The following TNKS2 variants were observed in gnomAD, a reference collection of about 807,000 sequenced individuals.
TNKS2 encodes the protein poly [ADP-ribose] polymerase tankyrase-2.
Under a neutral mutation model 137.6 loss-of-function variants are expected in TNKS2, and 72 were observed. The ratio of observed to expected loss-of-function variants is 0.52; its 90% CI spans 0.43 to 0.64. The LOEUF (loss-of-function observed/expected upper bound fraction) is 0.64. TNKS2 is among the 30% of genes least tolerant of loss of function. The probability of loss-of-function intolerance (pLI) is 0.00; values close to 1 mark genes in which losing one functional copy is unlikely to be tolerated. For synonymous variants in TNKS2, 516 were observed against 512.1 expected (o/e 1.01, Z -0.10); for missense variants, 1,049 against 1,410.2 (o/e 0.74, Z 4.10).
chr10:91,860,003 G>T (rs1424836733), intron 25 of TNKS2, among the ~76,000 whole-genome samples: 3 of 152,028 alleles, frequency 2.0e-5, no homozygotes, highest in African/African-American at 7.2e-5. Context: ...TGCTAAAATG[G>T]CATTATTTGT....
intron 1 of TNKS2, among the ~76,000 whole-genome samples, chr10:91,810,068 A>G (rs752208734): frequency 1.3e-5 from 2 of 152,146 alleles, no homozygotes; most frequent in Non-Finnish European, 2.9e-5. Context: ...CACTTATTAT[A>G]ATCTTAAATA....
At chr10:91,855,840 G>A in intron 23 of TNKS2, 152 bp downstream of exon 23, 2 of 539,402 alleles carry the variant, frequency 3.7e-6, no homozygotes, top group Non-Finnish European at 3.3e-6. Flanking sequence ...CCCTTGGAAG[G>A]TTAATATTCT....
chr10:91,849,360 T>C, intron 19 of TNKS2, 152 bp from the exon 20 acceptor site: 1 of 466,434 alleles, frequency 2.1e-6, no homozygotes. Flanking sequence ...GTTGAAATTT[T>C]GTAGCTTTCT....
chr10:91,862,975 G>T lies in TNKS2; in HGVS notation c.3477G>T (p.Arg1159Ser), dbSNP rs758242513. 1.2e-6 allele frequency: 2 copies of T among 1,606,176 alleles called. No homozygotes were observed. The highest frequency in any genetic ancestry group is 1.7e-6 in the Non-Finnish European group (2 of 1,174,736). ...PEYLITYQIMRPEGMVDG is the reference protein window; with the variant it reads ...PEYLITYQIMSPEGMVDG ...ATTTAATTACTTACCAGATTATGAG[G>T]CCTGAAGGTATGGTCGATGGATAAA... The change falls in exon 27 of 27, where the codon AGG becomes AGT. Residue 1159 changes from arginine (R) to serine (S), a missense_variant. Physicochemically the swap from Arg to Ser is moderately radical, Grantham distance 110 (BLOSUM62 -1). Coordinates refer to ENST00000371627, the MANE Select transcript of TNKS2 (RefSeq NM_025235.4).
intron 12 of TNKS2, among the ~76,000 whole-genome samples, chr10:91,834,483 ACATCT>A (rs1841935567): frequency 6.6e-6 from 1 of 152,244 alleles, no homozygotes; most frequent in Admixed American, 6.5e-5. Context: ...CATAGATGAA[ACATCT>A]CAGCCCAGAT....
At chr10:91,840,378 A>T (rs1024295709) in intron 13 of TNKS2, among the ~76,000 whole-genome samples, 183 bp from the exon 14 acceptor site, 7 of 152,152 alleles carry the variant, frequency 4.6e-5, no homozygotes, top group African/African-American at 1.4e-4. Context: ...CATGGATGAG[A>T]GGACCAGAGG....
chr10:91,828,768 A>G (rs775836942), intron 9 of TNKS2, among the ~76,000 whole-genome samples: 8 of 152,204 alleles, frequency 5.3e-5, no homozygotes, highest in Non-Finnish European at 8.8e-5. Context: ...GAAAAATAAA[A>G]TAAATACCAC....
intron 12 of TNKS2, among the ~76,000 whole-genome samples, chr10:91,836,033 A>ATT (rs1564619457): frequency 3.2e-5 from 1 of 31,264 alleles, no homozygotes; most frequent in Non-Finnish European, 6.4e-5. Flanking sequence ...GTGTGTGTGT[A>ATT]ATTTTTTTTT....
At chr10:91,800,779 A>T (rs1038436474) in intron 1 of TNKS2, among the ~76,000 whole-genome samples, 1 of 152,252 alleles carries the variant, frequency 6.6e-6, no homozygotes, top group African/African-American at 2.4e-5. Context: ...AAACTTTTTT[A>T]AAAATTGGGT....
intron 12 of TNKS2, among the ~76,000 whole-genome samples, chr10:91,835,285 C>CT (rs558797252): frequency 0.096 from 13,446 of 140,298 alleles, 709 homozygotes; most frequent in East Asian, 0.19. Context: ...TCTTTTTTTT[C>CT]TTTTTTTTTT....
intron 7 of TNKS2, among the ~76,000 whole-genome samples, chr10:91,824,146 G>A (rs1844995393): frequency 6.6e-6 from 1 of 152,210 alleles, no homozygotes; most frequent in Non-Finnish European, 1.5e-5. Flanking sequence ...GTTAGCTAAT[G>A]TGAGGGTGTA....
chr10:91,828,420 T>G lies in TNKS2; in HGVS notation c.1104+14T>G, dbSNP rs1263917618. 17 of 1,543,446 alleles carry G rather than the reference T, an allele frequency of 1.1e-5. No homozygotes were observed. Among genetic ancestry groups the G allele is most frequent in the Non-Finnish European group, 1.3e-5 (15 of 1,148,218 alleles). On this transcript the variant is annotated intron_variant, in intron 9 of 26. Coordinates refer to ENST00000371627, the MANE Select transcript of TNKS2 (RefSeq NM_025235.4). ...GAAACAGCATTGGTAATGTTTCAGA[T>G]TTAAGTTTTTAAAATACAATAACGA... is the stretch of plus-strand genomic sequence containing the variant.
intron 1 of TNKS2, among the ~76,000 whole-genome samples, chr10:91,804,701 A>G (rs1844270344): frequency 6.6e-6 from 1 of 152,372 alleles, no homozygotes; most frequent in African/African-American, 2.4e-5. Context: ...TCTTGAGACC[A>G]TAACAATAGA....
intron 24 of TNKS2, among the ~76,000 whole-genome samples, chr10:91,858,685 A>AAT (rs1842776154): frequency 6.6e-6 from 1 of 152,190 alleles, no homozygotes; most frequent in African/African-American, 2.4e-5. Flanking sequence ...GGAAGGATAG[A>AAT]AGAGAAGAGG....
chr10:91,836,385 A>AG (rs1260312994), intron 12 of TNKS2, among the ~76,000 whole-genome samples: 1 of 152,050 alleles, frequency 6.6e-6, no homozygotes, highest in Non-Finnish European at 1.5e-5. Flanking sequence ...CTAAGGTGCA[A>AG]GGTAGATGTT....
Position 91,810,920 on chromosome 10 carries a change from C to CTTTTTTTTTTTTTTTTTTTTTTTTTTTTT in TNKS2, c.200-2040_200-2039insTTTTTTTTTTTTTTTTTTTTTTTTTTTTT, listed in dbSNP as rs35240102. On this transcript the variant is annotated intron_variant, in intron 1 of 26. Transcript: ENST00000371627. ...TTCTTTTCTTTCTCTCTTTTCTTTT[C>CTTTTTTTTTTTTTTTTTTTTTTTTTTTTT]TTTTTTTTTTTTTTTTTTTTTTTGA... 2.0e-4 allele frequency among the ~76,000 whole-genome samples: 10 copies of CTTTTTTTTTTTTTTTTTTTTTTTTTTTTT among 50,124 alleles called. 3 individuals are homozygous for CTTTTTTTTTTTTTTTTTTTTTTTTTTTTT. The highest frequency in any genetic ancestry group is 3.7e-4 in the African/African-American group (4 of 10,698). The allele number at this position is 50,124 out of a possible 152,430, so 32.9% of individuals were successfully genotyped here.
intron 1 of TNKS2, among the ~76,000 whole-genome samples, chr10:91,810,094 C>T (rs531304912): frequency 1.3e-5 from 2 of 152,044 alleles, no homozygotes; most frequent in Non-Finnish European, 2.9e-5. Context: ...TAATTGAAAT[C>T]TGACTGGGCC....
At chr10:91,839,711 T>C (rs1380201759) in intron 13 of TNKS2, among the ~76,000 whole-genome samples, 1 of 152,202 alleles carries the variant, frequency 6.6e-6, no homozygotes. Flanking sequence ...TCCACACCAG[T>C]TACACTGAAA....
chr10:91,813,223 T>C lies in TNKS2; in HGVS notation c.424+16T>C, dbSNP rs1229771749. ...GTTTGCATTGGTAAGACTGTTTACT[T>C]TTCCGACTTTTACTAATGTTGTAAC... On this transcript the variant is annotated intron_variant, in intron 2 of 26. Coordinates refer to ENST00000371627, the MANE Select transcript of TNKS2 (RefSeq NM_025235.4). The C allele has an allele frequency of 1.2e-6, 2 of 1,601,666 alleles. No homozygotes were observed. The highest frequency in any genetic ancestry group is 1.7e-6 in the Non-Finnish European group (2 of 1,169,290).
Sources: allele counts gnomAD v4.1 joint callset (sites outside exome capture counted in the v4.1 genomes callset), GRCh38; gene constraint gnomAD v4.1.1; transcripts MANE v1.5; gene names NCBI Gene and HGNC (gene_info 2026-07-23, HGNC 2026-07-21).